PITPNC1: variants seen among roughly 807,000 people sequenced by gnomAD.
PITPNC1 encodes phosphatidylinositol transfer protein cytoplasmic 1.
Under a neutral mutation model 44.7 loss-of-function variants are expected in PITPNC1, and 18 were observed. The observed-to-expected ratio is 0.40, with a 90% CI of 0.28 to 0.60. The LOEUF is 0.60. PITPNC1 is among the 20% of genes least tolerant of loss of function. PITPNC1 has a pLI of 0.39. For synonymous variants in PITPNC1, 141 were observed against 149.6 expected, an observed-to-expected ratio of 0.94 and a Z score of 0.42; for missense variants, 290 against 418.4, an observed-to-expected ratio of 0.69 and a Z score of 2.68.
chr17:67,377,493 C>G lies in PITPNC1; in HGVS notation c.-662C>G, dbSNP rs1381826862. 1 of 153,990 alleles carries G rather than the reference C, an allele frequency of 6.5e-6. No homozygotes were observed. Among genetic ancestry groups the G allele is most frequent in the Non-Finnish European group, 1.4e-5 (1 of 68,990 alleles). The allele number at this position is 153,990 out of a possible 1,614,324, so 9.5% of individuals were successfully genotyped here. On this transcript the variant is annotated 5_prime_UTR_variant, in exon 1 of 9. Transcript: ENST00000581322. ...GCCCGGGGCCCCAGCCGGGCAGAGC[C>G]GAGCGGCGGCGGCGGCGGCGGCTTC...
chr17:67,447,781 G>C (rs2039120021), intron 1 of PITPNC1, among the ~76,000 whole-genome samples: 1 of 152,150 alleles, frequency 6.6e-6, no homozygotes, highest in South Asian at 2.1e-4. Context: ...TTGATACTAT[G>C]AAGGGACAAA....
chr17:67,567,041 G>A (rs891421289), intron 4 of PITPNC1, among the ~76,000 whole-genome samples: 3 of 152,138 alleles, frequency 2.0e-5, no homozygotes, highest in South Asian at 2.1e-4. Flanking sequence ...TCAAATACTC[G>A]GACCAGTGCC....
intron 5 of PITPNC1, chr17:67,611,767 G>A (rs749398545): frequency 2.6e-5 from 4 of 152,054 alleles, no homozygotes; most frequent in Admixed American, 6.6e-5. Context: ...TGAGCCACCC[G>A]GCCAATGAAT....
chr17:67,567,743 G>A (rs1329547368), intron 4 of PITPNC1, among the ~76,000 whole-genome samples: 1 of 152,114 alleles, frequency 6.6e-6, no homozygotes, highest in Admixed American at 6.5e-5. Context: ...GGGAGGCCGA[G>A]GTGGGTGGAT....
intron 2 of PITPNC1, 43 bp from the exon 3 acceptor site, chr17:67,552,212 ACT>A (rs1568037470): frequency 3.2e-6 from 3 of 930,770 alleles, no homozygotes; most frequent in Non-Finnish European, 5.4e-6. Context: ...GTGTGGTGAG[ACT>A]CTGAACAGAC....
At chr17:67,683,977 C>CAAAA (rs79101364) in intron 8 of PITPNC1, among the ~76,000 whole-genome samples, 1 of 61,618 alleles carries the variant, frequency 1.6e-5, no homozygotes. Context: ...GACTCTGTCT[C>CAAAA]AAAAAAAAAA....
intron 5 of PITPNC1, among the ~76,000 whole-genome samples, chr17:67,616,258 A>G (rs1001447743): frequency 2.6e-5 from 4 of 152,090 alleles, no homozygotes; most frequent in Admixed American, 6.6e-5. Flanking sequence ...CTCCTGCCTC[A>G]GCCTCCCGGG....
Position 67,425,234 on chromosome 17 carries a change from C to G in PITPNC1, c.48+47032C>G, listed in dbSNP as rs1567984829. Among the ~76,000 whole-genome samples the G allele has an allele frequency of 2.1e-4, 30 of 142,356 alleles. 1 individual carries two copies. The highest frequency in any genetic ancestry group is 7.6e-4 in the African/African-American group (29 of 38,238). The allele number at this position is 142,356 out of a possible 152,430, so 93.4% of individuals were successfully genotyped here. A position where few individuals can be genotyped will look rare whatever the true frequency, so the allele number is the denominator to read the frequency against. ...ACACACACACACACACACACACACA[C>G]ACACACACACACACACACACACACA... On this transcript the variant is annotated intron_variant, in intron 1 of 8. Transcript: ENST00000581322.
intron 1 of PITPNC1, among the ~76,000 whole-genome samples, chr17:67,470,403 C>T (rs1021817231): frequency 1.3e-5 from 2 of 152,352 alleles, no homozygotes; most frequent in South Asian, 2.1e-4. Context: ...CTCTACCCCC[C>T]ACATTCCCCA....
At chr17:67,671,660 C>T (rs1182344042) in intron 7 of PITPNC1, among the ~76,000 whole-genome samples, 1 of 152,160 alleles carries the variant, frequency 6.6e-6, no homozygotes, top group Non-Finnish European at 1.5e-5. Context: ...GCATGCCACT[C>T]CTTTCCCGTG....
At position 67,389,087 on chromosome 17, in the gene PITPNC1, T is replaced by C. The variant is rs1598606019; in HGVS notation, c.48+10885T>C. Reference sequence around the variant, plus strand: ...GTCAGGCTGCCTTTCTTTCTGGAGCTTGGAGTTGTCTTCAGGGTTCACATG... The same window carrying C: ...GTCAGGCTGCCTTTCTTTCTGGAGCCTGGAGTTGTCTTCAGGGTTCACATG... On this transcript the variant is annotated intron_variant, in intron 1 of 8. Coordinates refer to ENST00000581322, the MANE Select transcript of PITPNC1 (RefSeq NM_012417.4). Among the ~76,000 whole-genome samples the C allele has an allele frequency of 2.0e-5, 3 of 152,226 alleles. No individual in the cohort carries two copies. The East Asian group carries it at 5.8e-4, about 29-fold the overall frequency.
intron 6 of PITPNC1, among the ~76,000 whole-genome samples, chr17:67,663,576 A>T (rs970680117): frequency 3.3e-5 from 5 of 150,164 alleles, no homozygotes; most frequent in African/African-American, 1.2e-4. Flanking sequence ...TCAAAAAAAA[A>T]GGACAAAAAA....
intron 1 of PITPNC1, among the ~76,000 whole-genome samples, chr17:67,467,054 A>ATTTTTTTTT (rs10623552): frequency 1.0e-5 from 1 of 95,342 alleles, no homozygotes; most frequent in East Asian, 3.5e-4. Context: ...CAGTTAGGAG[A>ATTTTTTTTT]TTTTTTTTTT....
intron 5 of PITPNC1, among the ~76,000 whole-genome samples, chr17:67,631,122 C>T (rs2041961948): frequency 6.7e-6 from 1 of 148,586 alleles, no homozygotes; most frequent in Admixed American, 6.8e-5. Context: ...CATTCTGGGC[C>T]AGTGAAACCT....
At chr17:67,496,106 A>G (rs1392185584) in intron 1 of PITPNC1, among the ~76,000 whole-genome samples, 1 of 152,200 alleles carries the variant, frequency 6.6e-6, no homozygotes, top group Admixed American at 6.5e-5. Flanking sequence ...TTGGAATTAT[A>G]GAGAGTGCTT....
At chr17:67,568,346 G>C (rs1174224002) in intron 4 of PITPNC1, among the ~76,000 whole-genome samples, 2 of 152,158 alleles carry the variant, frequency 1.3e-5, no homozygotes, top group Non-Finnish European at 2.9e-5. Context: ...GCTGCAGGTA[G>C]GCGGGAATGG....
In PITPNC1 at chr17:67,377,860, A is replaced by G. The variant is rs1052166081; in HGVS notation, c.-295A>G. 1.1e-4 allele frequency: 40 copies of G among 362,698 alleles called. No individual in the cohort carries two copies. The highest frequency in any genetic ancestry group is 1.4e-4 in the Non-Finnish European group (28 of 203,566). 22.5% of individuals were successfully genotyped at this position (362,698 alleles called of 1,614,324 possible). ...CCTACCACCCTGGGCAGCCGAGCAG[A>G]GTCGTCCCCAGCGGGTCTCCCTCCC... is the stretch of plus-strand genomic sequence containing the variant. On this transcript the variant is annotated 5_prime_UTR_variant, in exon 1 of 9. Coordinates refer to ENST00000581322, the MANE Select transcript of PITPNC1 (RefSeq NM_012417.4).
chr17:67,562,285 G>A (rs1273347239), intron 4 of PITPNC1, among the ~76,000 whole-genome samples: 1 of 152,146 alleles, frequency 6.6e-6, no homozygotes, highest in African/African-American at 2.4e-5. Context: ...GAGGAGCAGC[G>A]GAGAGGCCCG....
At chr17:67,391,637 C>T (rs775638662) in intron 1 of PITPNC1, among the ~76,000 whole-genome samples, 8 of 152,180 alleles carry the variant, frequency 5.3e-5, no homozygotes, top group South Asian at 2.1e-4. Flanking sequence ...CCCACCGCCA[C>T]GCCCGGCTAA....
Sources: allele counts gnomAD v4.1 joint callset (sites outside exome capture counted in the v4.1 genomes callset), GRCh38; gene constraint gnomAD v4.1.1; transcripts MANE v1.5; gene names NCBI Gene and HGNC (gene_info 2026-07-23, HGNC 2026-07-21).